Variants in CSF3R observed in about 807,000 individuals in gnomAD.
CSF3R encodes the protein granulocyte colony-stimulating factor receptor.
In CSF3R, 52 loss-of-function variants were observed where a neutral mutation model predicts 84.4. The observed-to-expected ratio is 0.62, with a 90% CI of 0.49 to 0.78. The LOEUF (loss-of-function observed/expected upper bound fraction) is 0.78. Among genes scored for constraint, CSF3R ranks in the 30% least tolerant of loss-of-function variants. The pLI, the probability that CSF3R is intolerant of heterozygous loss-of-function variation, is 0.00. For missense variants in CSF3R, 890 were observed against 1,055.7 expected (o/e 0.84, Z 2.17); for synonymous variants, 384 against 429.1 (o/e 0.89, Z 1.30).
chr1:36,479,228 G>A, intron 3 of CSF3R: 2 of 652,174 alleles, frequency 3.1e-6, no homozygotes, highest in South Asian at 3.3e-5. Context: ...ACCAGCCCGG[G>A]TCGTCTCACC....
chr1:36,468,637 C>G (rs1650502144), intron 12 of CSF3R: 1 of 211,196 alleles, frequency 4.7e-6, no homozygotes, highest in South Asian at 7.3e-5. Context: ...GGGCTCAAGC[C>G]CTCCGATCCT....
chr1:36,481,035 T>C (rs971197246), intron 2 of CSF3R, among the ~76,000 whole-genome samples: 1 of 152,166 alleles, frequency 6.6e-6, no homozygotes. Context: ...GGTAACCTTC[T>C]TACTATAGCA....
chr1:36,472,132 A>G lies in CSF3R; in HGVS notation c.1005T>C (p.Thr335=). 6.2e-7 allele frequency: 1 copy of G among 1,613,862 alleles called. No individual in the cohort carries two copies. Among genetic ancestry groups the G allele is most frequent in the Non-Finnish European group, 8.5e-7 (1 of 1,179,998 alleles). ...GCCGCCACCATGTGTCCAGTCTGACAGTGGGGGCTGTGGATGGAACAAGAA... is the reference window on the plus strand; with the variant it reads ...GCCGCCACCATGTGTCCAGTCTGACGGTGGGGGCTGTGGATGGAACAAGAA... ...LELRTTERAP[T]VRLDTWWRQR... The change falls in exon 9 of 17, where the codon ACT becomes ACC. Residue 335 remains threonine (T), a synonymous_variant. Coordinates refer to ENST00000373106, the MANE Select transcript of CSF3R (RefSeq NM_000760.4). This position sits in a 1 kb window ranked among gnomAD's most constrained non-coding sequence, Gnocchi z 5.0.
chr1:36,472,356 C>T lies in CSF3R; in HGVS notation c.879G>A (p.Glu293=). The T allele has an allele frequency of 6.2e-7, 1 of 1,614,112 alleles. No homozygotes were observed. Among genetic ancestry groups the T allele is most frequent in the Non-Finnish European group, 8.5e-7 (1 of 1,180,018 alleles). ...CCGTGGCTGGGAGGAGCCCGCAGAG[C>T]TCATACTGAAGGGCCTCCAAGGGGA... ...GPLPLEALQY[E]LCGLLPATAY... The change falls in exon 8 of 17, where the codon GAG becomes GAA. Residue 293 remains glutamate (E), a synonymous_variant. Coordinates refer to ENST00000373106, the MANE Select transcript of CSF3R (RefSeq NM_000760.4). The surrounding 1 kb of genome is among the most constrained non-coding windows in gnomAD (Gnocchi z 5.0).
chr1:36,472,348 C>T lies in CSF3R; in HGVS notation c.887G>A (p.Gly296Glu). The T allele has an allele frequency of 6.2e-7, 1 of 1,614,138 alleles. No individual in the cohort carries two copies. Among genetic ancestry groups the T allele is most frequent in the Middle Eastern group, 1.7e-4 (1 of 6,060 alleles). ...PLEALQYELC[G>E]LLPATAYTLQ... Reference sequence around the variant, plus strand: ...GGTGTAGGCCGTGGCTGGGAGGAGCCCGCAGAGCTCATACTGAAGGGCCTC... The same window carrying T: ...GGTGTAGGCCGTGGCTGGGAGGAGCTCGCAGAGCTCATACTGAAGGGCCTC... Residue 296 changes from glycine (G) to glutamate (E), a missense_variant, in exon 8 of 17, where the codon GGG (glycine) becomes GAG (glutamate). Transcript: ENST00000373106. This position sits in a 1 kb window ranked among gnomAD's most constrained non-coding sequence, Gnocchi z 5.0.
chr1:36,471,689 A>C, intron 9 of CSF3R, 43 bp from the exon 10 acceptor site: 34 of 1,593,868 alleles, frequency 2.1e-5, no homozygotes, highest in Non-Finnish European at 2.7e-5. Flanking sequence ...TGTGCAGCTC[A>C]TCTTGAGTCA....
At chr1:36,474,013 T>A in intron 4 of CSF3R, 126 bp from the exon 5 acceptor site, 1 of 1,422,030 alleles carries the variant, frequency 7.0e-7, no homozygotes, top group Non-Finnish European at 9.8e-7. Flanking sequence ...TCTGTCCCCC[T>A]GTCTCCAGGC....
chr1:36,471,508 G>C lies in CSF3R; in HGVS notation c.1210C>G (p.Gln404Glu). The C allele has an allele frequency of 6.2e-7, 1 of 1,614,234 alleles. No homozygotes were observed. The highest frequency in any genetic ancestry group is 8.5e-7 in the Non-Finnish European group (1 of 1,180,038). ...SCTFHLPSEA[Q>E]EVALVAYNSA... ...TTATAGGCCACAAGGGCCACCTCCT[G>C]GGCTTCTGAAGGCAGGTGGAAGGTG... Residue 404 changes from glutamine (Q) to glutamate (E), a missense_variant, in exon 10 of 17, where the codon CAG becomes GAG. Coordinates refer to ENST00000373106, the MANE Select transcript of CSF3R (RefSeq NM_000760.4).
Position 36,467,261 on chromosome 1 carries a change from A to G in CSF3R, c.2009T>C (p.Leu670Pro). Residue 670 changes from leucine to proline, a missense_variant, in exon 16 of 17, where the codon CTG becomes CCG. Transcript: ENST00000373106. The surrounding 1 kb of genome is among the most constrained non-coding windows in gnomAD (Gnocchi z 4.1). ...CATGATTGTGGGCACCCAGGAGCCC[A>G]GGCTGCTGTGAGCTGGGTCTGGGAC... is the stretch of plus-strand genomic sequence containing the variant. ...PSVPDPAHSS[L>P]GSWVPTIMEE... 1.2e-6 allele frequency: 2 copies of G among 1,614,180 alleles called. No individual in the cohort carries two copies. The highest frequency in any genetic ancestry group is 1.7e-6 in the Non-Finnish European group (2 of 1,180,024).
At position 36,469,730 on chromosome 1, in the gene CSF3R, C is replaced by T. The variant is rs2124110640; in HGVS notation, c.1396G>A (p.Gly466Ser). 6.2e-7 allele frequency: 1 copy of T among 1,614,166 alleles called. No homozygotes were observed. The highest frequency in any genetic ancestry group is 1.3e-5 in the African/African-American group (1 of 75,054). Residue 466 changes from glycine to serine, a missense_variant, in exon 11 of 17, where the codon GGC becomes AGC. Physicochemically the swap from Gly to Ser is moderately conservative, Grantham distance 56 (BLOSUM62 0). Transcript: ENST00000373106. Reference sequence around the variant, plus strand: ...TTGCTATTGCTCGCGCTGGGGGGGCCCAGGCCCCACTCAATCACATAGCCC... The same window carrying T: ...TTGCTATTGCTCGCGCTGGGGGGGCTCAGGCCCCACTCAATCACATAGCCC... The part of the protein sequence containing the change: ...PQGYVIEWGL[G>S]PPSASNSNKT...
chr1:36,466,227 TGCTGGTGACTGGA>T lies in CSF3R; in HGVS notation c.*117_*129del. The T allele has an allele frequency of 6.2e-7, 1 of 1,613,924 alleles. No individual in the cohort carries two copies. Among genetic ancestry groups the T allele is most frequent in the Non-Finnish European group, 8.5e-7 (1 of 1,179,970 alleles). On this transcript the variant is annotated 3_prime_UTR_variant, in exon 17 of 17. Transcript: ENST00000373106. The surrounding 1 kb of genome is among the most constrained non-coding windows in gnomAD (Gnocchi z 4.6). ...TATGGAGATTGGGAGGAGAGGGAGA[TGCTGGTGACTGGA>T]GATGGTGAGAGCCTGGGCTGGGGTA...
chr1:36,472,287 G>C lies in CSF3R; in HGVS notation c.948C>G (p.Gly316=), dbSNP rs1489344600. The C allele has an allele frequency of 6.2e-7, 1 of 1,614,240 alleles. No homozygotes were observed. Among genetic ancestry groups the C allele is most frequent in the Non-Finnish European group, 8.5e-7 (1 of 1,180,050 alleles). Residue 316 remains glycine (G), a synonymous_variant, in exon 8 of 17, where the codon GGC becomes GGG. Coordinates refer to ENST00000373106, the MANE Select transcript of CSF3R (RefSeq NM_000760.4). This position sits in a 1 kb window ranked among gnomAD's most constrained non-coding sequence, Gnocchi z 5.0. The part of the protein sequence containing the change: ...QIRCIRWPLP[G]HWSDWSPSLE... The stretch of plus-strand genomic sequence containing the variant: ...GGCTGGGGCTCCAGTCGCTCCAGTG[G>C]CCAGGCAGGGGCCAGCGGATGCAGC...
intron 3 of CSF3R, among the ~76,000 whole-genome samples, chr1:36,478,694 C>CA (rs111737215): frequency 0.045 from 6,251 of 139,128 alleles, 166 homozygotes; most frequent in African/African-American, 0.068. Context: ...CAAAAAAATA[C>CA]AACAACAAAA....
Position 36,466,620 on chromosome 1 carries a change from C to G in CSF3R, c.2248G>C (p.Val750Leu). Residue 750 changes from valine to leucine, a missense_variant, in exon 17 of 17, where the codon GTC becomes CTC. Transcript: ENST00000373106. This position sits in a 1 kb window ranked among gnomAD's most constrained non-coding sequence, Gnocchi z 4.6. The stretch of plus-strand genomic sequence containing the variant: ...CTGCCCAGCAGCTGCCCATAAAGGA[C>G]CTGATCGCTGGTGCCAGACTGGGAT... ...PQSQSGTSDQ[V>L]LYGQLLGSPT... The G allele has an allele frequency of 6.2e-7, 1 of 1,613,974 alleles. No individual in the cohort carries two copies. The highest frequency in any genetic ancestry group is 8.5e-7 in the Non-Finnish European group (1 of 1,179,908).
Position 36,467,978 on chromosome 1 carries a change from G to C in CSF3R, c.1724-16C>G. 3 of 1,614,172 alleles carry C rather than the reference G, an allele frequency of 1.9e-6. No individual in the cohort carries two copies. The highest frequency in any genetic ancestry group is 1.7e-6 in the Non-Finnish European group (2 of 1,180,040). On this transcript the variant is annotated splice_polypyrimidine_tract_variant and intron_variant, in intron 13 of 16. Transcript: ENST00000373106. The surrounding 1 kb of genome is among the most constrained non-coding windows in gnomAD (Gnocchi z 4.1). Reference sequence around the variant, plus strand: ...AGGATGGCGGCTGGGAGGGGTGTACGGTCAGCATAGGCCTGGATGGTAAAG... The same window carrying C: ...AGGATGGCGGCTGGGAGGGGTGTACCGTCAGCATAGGCCTGGATGGTAAAG...
Position 36,467,973 on chromosome 1 carries a change from T to C in CSF3R, c.1724-11A>G. 1.2e-6 allele frequency: 2 copies of C among 1,613,456 alleles called. No homozygotes were observed. Among genetic ancestry groups the C allele is most frequent in the South Asian group, 2.2e-5 (2 of 91,032 alleles). ...CATTCAGGATGGCGGCTGGGAGGGG[T>C]GTACGGTCAGCATAGGCCTGGATGG... On this transcript the variant is annotated splice_polypyrimidine_tract_variant and intron_variant, in intron 13 of 16. Transcript: ENST00000373106. The surrounding 1 kb of genome is among the most constrained non-coding windows in gnomAD (Gnocchi z 4.1).
Position 36,475,408 on chromosome 1 carries a change from CT to C in CSF3R, c.329del (p.Gln110ArgfsTer24). The stretch of plus-strand genomic sequence containing the variant: ...CGCGCAGCTCAACCTGGTCCAGGAT[CT>C]GCAGGCTGTTGCCCCAGTTCAGGCA... ...SCCLNWGNSL[Q>X]ILDQVELRAG... On this transcript the variant is annotated frameshift_variant, in exon 4 of 17. Coordinates refer to ENST00000373106, the MANE Select transcript of CSF3R (RefSeq NM_000760.4). LOFTEE classifies it high-confidence loss of function. 1 of 1,614,082 alleles carries C rather than the reference CT, an allele frequency of 6.2e-7. No individual in the cohort carries two copies. The highest frequency in any genetic ancestry group is 8.5e-7 in the Non-Finnish European group (1 of 1,180,026).
In CSF3R at chr1:36,472,374, C is replaced by T. The variant is rs965308558; in HGVS notation, c.861G>A (p.Leu287=). Reference sequence around the variant, plus strand: ...CGCAGAGCTCATACTGAAGGGCCTCCAAGGGGAGGGGGCCCACCTGGTGAG... The same window carrying T: ...CGCAGAGCTCATACTGAAGGGCCTCTAAGGGGAGGGGGCCCACCTGGTGAG... ...ASWALVGPLP[L]EALQYELCGL... The change falls in exon 8 of 17, where the codon TTG becomes TTA. Residue 287 remains leucine (L), a synonymous_variant. Transcript: ENST00000373106. The surrounding 1 kb of genome is among the most constrained non-coding windows in gnomAD (Gnocchi z 5.0). 3.1e-6 allele frequency: 5 copies of T among 1,613,960 alleles called. No individual in the cohort carries two copies. In the South Asian group the frequency reaches 3.3e-5, roughly 11 times the overall value.
At position 36,469,139 on chromosome 1, in the gene CSF3R, C is replaced by A. The variant is rs764719296; in HGVS notation, c.1576+17G>T. On this transcript the variant is annotated intron_variant, in intron 12 of 16. Coordinates refer to ENST00000373106, the MANE Select transcript of CSF3R (RefSeq NM_000760.4). ...GAGAGGAGAGGATTCTGGAAAGGGG[C>A]CTGATAGTTGACAAACCCATTTCTT... 8 of 1,575,382 alleles carry A rather than the reference C, an allele frequency of 5.1e-6. No homozygotes were observed. Among genetic ancestry groups the A allele is most frequent in the Non-Finnish European group, 6.1e-6 (7 of 1,145,372 alleles).
Sources: allele counts gnomAD v4.1 joint callset (sites outside exome capture counted in the v4.1 genomes callset), GRCh38; gene constraint gnomAD v4.1.1; non-coding constraint Gnocchi (gnomAD v3.1); transcripts MANE v1.5; gene names NCBI Gene and HGNC (gene_info 2026-07-23, HGNC 2026-07-21).